EFEMP1: variants seen among roughly 807,000 people sequenced by gnomAD.
The protein encoded by EFEMP1 is EGF-containing fibulin-like extracellular matrix protein 1.
EFEMP1 carries 18 observed loss-of-function variants against 65.7 expected under a neutral mutation model. The observed-to-expected ratio is 0.27, with a 90% CI of 0.19 to 0.41. The LOEUF (loss-of-function observed/expected upper bound fraction) is 0.41, where lower values mean the gene tolerates loss of function less well. Ranked by LOEUF, EFEMP1 falls within the 10% of genes least tolerant of loss-of-function variation. EFEMP1 has a pLI of 1.00. For synonymous variants in EFEMP1, 237 were observed against 219.7 expected (o/e 1.08, Z -0.70); for missense variants, 469 against 624.8 (o/e 0.75, Z 2.66).
intron 5 of EFEMP1, among the ~76,000 whole-genome samples, chr2:55,892,585 A>T (rs3828241): frequency 0.11 from 16,025 of 152,130 alleles, 1,991 homozygotes; most frequent in African/African-American, 0.29. Context: ...AGTTCTCTTC[A>T]ATGTTTAAAT....
intron 5 of EFEMP1, among the ~76,000 whole-genome samples, chr2:55,895,792 T>A (rs6761663): frequency 6.6e-6 from 1 of 151,464 alleles, no homozygotes; most frequent in East Asian, 2.0e-4. Flanking sequence ...CCGCCCGCCT[T>A]GGCCTCCCAA....
At chr2:55,891,980 C>T (rs996419158) in intron 5 of EFEMP1, among the ~76,000 whole-genome samples, 1 of 151,538 alleles carries the variant, frequency 6.6e-6, no homozygotes, top group Non-Finnish European at 1.5e-5. Flanking sequence ...ATGACATAGG[C>T]TGTGGGATTT....
rs1377889600 is a variant in EFEMP1 at position 55,876,471 on chromosome 2, A to C, written c.880+152T>G. 3 of 1,045,334 alleles carry C rather than the reference A, an allele frequency of 2.9e-6. No homozygotes were observed. In the Admixed American group the frequency reaches 7.9e-5, roughly 28 times the overall value. 64.8% of individuals were successfully genotyped at this position (1,045,334 alleles called of 1,614,324 possible). A position where few individuals can be genotyped will look rare whatever the true frequency, so the allele number is the denominator to read the frequency against. On this transcript the variant is annotated intron_variant, in intron 8 of 11. Transcript: ENST00000355426. ...CCTTTTTCTTGGTAACACACTAAAA[A>C]GGCAATGTAACAACTGAACTACATT...
intron 5 of EFEMP1, among the ~76,000 whole-genome samples, chr2:55,916,045 T>C (rs1303882175): frequency 1.3e-5 from 2 of 151,600 alleles, no homozygotes; most frequent in African/African-American, 4.9e-5. Context: ...TGATGTGGGG[T>C]ACTTAAAGCT....
rs1206825620 is a variant in EFEMP1 at position 55,870,536 on chromosome 2, C to T, written c.1320+184G>A. Among the ~76,000 whole-genome samples, 1 of 152,080 alleles carries T rather than the reference C, an allele frequency of 6.6e-6. No individual in the cohort carries two copies. Among genetic ancestry groups the T allele is most frequent in the Non-Finnish European group, 1.5e-5 (1 of 67,988 alleles). ...GAGATGAATATTAATATCTATCTGG[C>T]AGTGTTACCAAGAGGAATAAATGAA... On this transcript the variant is annotated intron_variant, in intron 11 of 11. Transcript: ENST00000355426. This position sits in a 1 kb window ranked among gnomAD's most constrained non-coding sequence, Gnocchi z 5.8.
rs1009903139 is a variant in EFEMP1 at position 55,917,445 on chromosome 2, A to C, written c.517+220T>G. On this transcript the variant is annotated intron_variant, in intron 5 of 11. Coordinates refer to ENST00000355426, the MANE Select transcript of EFEMP1 (RefSeq NM_001039348.3). The surrounding 1 kb of genome is among the most constrained non-coding windows in gnomAD (Gnocchi z 6.3). ...ATATGGGCAGCTAGGGTTGGGAACC[A>C]CTGATGAACTTTCTAAGCCACAGTT... Among the ~76,000 whole-genome samples the C allele has an allele frequency of 3.3e-5, 5 of 152,228 alleles. No individual in the cohort carries two copies. The highest frequency in any genetic ancestry group is 1.5e-5 in the Non-Finnish European group (1 of 68,036).
chr2:55,897,149 G>T (rs934273), intron 5 of EFEMP1, among the ~76,000 whole-genome samples: 84,700 of 152,006 alleles, frequency 0.56, 25,045 homozygotes, highest in East Asian at 0.9. Flanking sequence ...TGCTTCCTCA[G>T]AGACTGAGAA....
chr2:55,894,827 G>A (rs1669753888), intron 5 of EFEMP1, among the ~76,000 whole-genome samples: 1 of 152,120 alleles, frequency 6.6e-6, no homozygotes, highest in Non-Finnish European at 1.5e-5. Flanking sequence ...AAGAACTTAA[G>A]GCCCAAGGAA....
intron 5 of EFEMP1, among the ~76,000 whole-genome samples, chr2:55,895,663 T>A (rs966056364): frequency 1.1e-4 from 17 of 150,864 alleles, no homozygotes; most frequent in Non-Finnish European, 2.2e-4. Context: ...TGCCTCAGCC[T>A]CCGGAGTAGC....
At position 55,922,989 on chromosome 2, in the gene EFEMP1, C is replaced by A; in HGVS notation, c.-48-50G>T. On this transcript the variant is annotated intron_variant, in intron 1 of 11. Transcript: ENST00000355426. The surrounding 1 kb of genome is among the most constrained non-coding windows in gnomAD (Gnocchi z 5.5). ...GGCCTCAAGCTTTTTATTTTTTAAACAAAATAACAAAACAAAACTCGGAGA... is the reference window on the plus strand; with the variant it reads ...GGCCTCAAGCTTTTTATTTTTTAAAAAAAATAACAAAACAAAACTCGGAGA... The A allele has an allele frequency of 1.0e-6, 1 of 1,002,242 alleles. No homozygotes were observed. The highest frequency in any genetic ancestry group is 1.7e-5 in the African/African-American group (1 of 57,652). 62.1% of individuals were successfully genotyped at this position (1,002,242 alleles called of 1,614,324 possible).
chr2:55,896,455 G>A (rs1220567214), intron 5 of EFEMP1, among the ~76,000 whole-genome samples: 1 of 152,132 alleles, frequency 6.6e-6, no homozygotes, highest in African/African-American at 2.4e-5. Context: ...GGCCTGAAAC[G>A]ATGCATTACC....
chr2:55,875,069 T>A lies in EFEMP1; in HGVS notation c.881-4A>T, dbSNP rs1403875827. On this transcript the variant is annotated splice_polypyrimidine_tract_variant and splice_region_variant and intron_variant, in intron 8 of 11. Coordinates refer to ENST00000355426, the MANE Select transcript of EFEMP1 (RefSeq NM_001039348.3). ...GAGGTTCTGCATTCATCAATGTCTGTTGAATTAGACAAGAGAAAGGACACA... is the reference window on the plus strand; with the variant it reads ...GAGGTTCTGCATTCATCAATGTCTGATGAATTAGACAAGAGAAAGGACACA... 2.5e-6 allele frequency: 4 copies of A among 1,594,352 alleles called. No individual in the cohort carries two copies. In the South Asian group the frequency reaches 4.4e-5, roughly 18 times the overall value.
At chr2:55,889,975 C>T (rs977031114) in intron 5 of EFEMP1, among the ~76,000 whole-genome samples, 4 of 151,872 alleles carry the variant, frequency 2.6e-5, no homozygotes, top group Admixed American at 2.6e-4. Flanking sequence ...TAGTTTTAAA[C>T]CTAAACATAT....
chr2:55,872,842 A>G (rs1668868133), intron 9 of EFEMP1, among the ~76,000 whole-genome samples: 1 of 152,066 alleles, frequency 6.6e-6, no homozygotes, highest in African/African-American at 2.4e-5. Context: ...AAGAATAAAG[A>G]TGCTGTTTAG....
At chr2:55,897,561 G>C (rs181254917) in intron 5 of EFEMP1, among the ~76,000 whole-genome samples, 2 of 152,150 alleles carry the variant, frequency 1.3e-5, no homozygotes, top group Non-Finnish European at 2.9e-5. Flanking sequence ...TAGCTGTGGG[G>C]TCTCCCAAGA....
chr2:55,922,436 A>C lies in EFEMP1; in HGVS notation c.5T>G (p.Leu2Trp). ...CAGCATAGTTAGGAAAAGGGCTTTC[A>C]ACATTGTGAATCTCAAAGAAAATAC... MLKALFLTMLTL... is the reference protein window; with the variant it reads MWKALFLTMLTL... Residue 2 changes from leucine (L) to tryptophan (W), a missense_variant, in exon 3 of 12, where the codon TTG becomes TGG. Leu to Trp is a moderately conservative substitution (Grantham distance 61). Coordinates refer to ENST00000355426, the MANE Select transcript of EFEMP1 (RefSeq NM_001039348.3). The surrounding 1 kb of genome is among the most constrained non-coding windows in gnomAD (Gnocchi z 5.5). 6.2e-7 allele frequency: 1 copy of C among 1,613,652 alleles called. No homozygotes were observed. Among genetic ancestry groups the C allele is most frequent in the Non-Finnish European group, 8.5e-7 (1 of 1,179,630 alleles).
Position 55,877,177 on chromosome 2 carries a change from CTATT to C in EFEMP1, c.761-439_761-436del, listed in dbSNP as rs1473969227. On this transcript the variant is annotated intron_variant, in intron 7 of 11. Transcript: ENST00000355426. This position sits in a 1 kb window ranked among gnomAD's most constrained non-coding sequence, Gnocchi z 4.5. ...ATGCTGTACTGAAGATTTATCTGTGCTATTTATTACTTTTTAAATGGGTTCTGTT... is the reference window on the plus strand; with the variant it reads ...ATGCTGTACTGAAGATTTATCTGTGCTATTACTTTTTAAATGGGTTCTGTT... Among the ~76,000 whole-genome samples, 10 of 152,184 alleles carry C rather than the reference CTATT, an allele frequency of 6.6e-5. No individual in the cohort carries two copies. Among genetic ancestry groups the C allele is most frequent in the Admixed American group, 3.9e-4 (6 of 15,266 alleles).
intron 5 of EFEMP1, among the ~76,000 whole-genome samples, chr2:55,907,145 G>A (rs769761641): frequency 6.6e-6 from 1 of 152,202 alleles, no homozygotes; most frequent in Non-Finnish European, 1.5e-5. Context: ...AATAATGAGA[G>A]GAAACCTCTC....
intron 5 of EFEMP1, among the ~76,000 whole-genome samples, chr2:55,891,932 A>G (rs755018196): frequency 6.6e-5 from 10 of 152,116 alleles, no homozygotes; most frequent in Non-Finnish European, 8.8e-5. Flanking sequence ...TCCATAAATT[A>G]TCATGCATTC....
Sources: gnomAD v4.1 joint callset for allele counts (sites outside exome capture counted in the v4.1 genomes callset) on GRCh38, gnomAD v4.1.1 for gene constraint, Gnocchi (gnomAD v3.1) non-coding constraint, MANE v1.5 for transcripts, NCBI Gene and HGNC (gene_info 2026-07-23, HGNC 2026-07-21) for gene names.